CCDC40: variants seen among roughly 807,000 people sequenced by gnomAD.
The protein encoded by CCDC40 is coiled-coil domain-containing protein 40.
In CCDC40, 104 loss-of-function variants were observed where a neutral mutation model predicts 124.5. The observed-to-expected ratio is 0.84, with a 90% CI of 0.71 to 0.98. The LOEUF (loss-of-function observed/expected upper bound fraction) is 0.98. Ranked by LOEUF, CCDC40 falls within the 50% of genes least tolerant of loss-of-function variation. CCDC40 has a pLI of 0.00. For synonymous variants in CCDC40, 580 were observed against 602.9 expected (o/e 0.96, Z 0.56); for missense variants, 1,463 against 1,503.9 (o/e 0.97, Z 0.45).
chr17:80,056,008 A>ATTTTTTTTTTTT (rs1242487948), intron 7 of CCDC40, among the ~76,000 whole-genome samples: 5 of 12,276 alleles, frequency 4.1e-4, no homozygotes, highest in African/African-American at 7.8e-4. Context: ...ATATATATAT[A>ATTTTTTTTTTTT]TATATATATT....
chr17:80,081,645 C>A lies in CCDC40; in HGVS notation c.1662C>A (p.Ile554=), dbSNP rs753942872. 3.7e-6 allele frequency: 6 copies of A among 1,614,080 alleles called. No homozygotes were observed. In the South Asian group the frequency reaches 6.6e-5, roughly 18 times the overall value. ...EEEKNEKLAS[I]LNRTETEATL... is the part of the protein sequence containing the mutation. ...AAAAGAACGAGAAGCTGGCGAGCAT[C>A]CTGAACCGGACAGAGACGGAAGCCA... is the stretch of plus-strand genomic sequence containing the variant. Residue 554 remains isoleucine, a synonymous_variant, in exon 11 of 20, where the codon ATC becomes ATA. Transcript: ENST00000397545.
chr17:80,064,814 A>G (rs985039912), intron 9 of CCDC40, among the ~76,000 whole-genome samples: 4 of 146,448 alleles, frequency 2.7e-5, no homozygotes, highest in African/African-American at 7.6e-5. Flanking sequence ...CCTCATTCCC[A>G]GTCTAGGCAG....
At chr17:80,057,052 A>AAG (rs61289103) in intron 7 of CCDC40, among the ~76,000 whole-genome samples, 1 of 148,176 alleles carries the variant, frequency 6.7e-6, no homozygotes, top group Non-Finnish European at 1.5e-5. Flanking sequence ...AAAAAAAAAA[A>AAG]GAAGAATAGC....
chr17:80,066,021 G>A lies in CCDC40; in HGVS notation c.1562+415G>A. ...CCTATTTTAATCTCCAAAGGAAGGG[G>A]AGGAAGAGGCCTCCTCTGGGCATCC... is the stretch of plus-strand genomic sequence containing the variant. On this transcript the variant is annotated intron_variant, in intron 10 of 19. Coordinates refer to ENST00000397545, the MANE Select transcript of CCDC40 (RefSeq NM_017950.4). This position sits in a 1 kb window ranked among gnomAD's most constrained non-coding sequence, Gnocchi z 4.4. 1.5e-6 allele frequency: 1 copy of A among 685,790 alleles called. No homozygotes were observed. The highest frequency in any genetic ancestry group is 2.7e-5 in the East Asian group (1 of 37,022). The allele number at this position is 685,790 out of a possible 1,614,324, so 42.5% of individuals were successfully genotyped here.
At position 80,058,757 on chromosome 17, in the gene CCDC40, G is replaced by A. The variant is rs1331691905; in HGVS notation, c.1318-101G>A. On this transcript the variant is annotated intron_variant, in intron 8 of 19. Coordinates refer to ENST00000397545, the MANE Select transcript of CCDC40 (RefSeq NM_017950.4). The surrounding 1 kb of genome is among the most constrained non-coding windows in gnomAD (Gnocchi z 4.2). ...GAAGGCTTCCGGCCGGAGGGGTGGCGGCCGGCCTGGGTGGCGTCAACTTGT... is the reference window on the plus strand; with the variant it reads ...GAAGGCTTCCGGCCGGAGGGGTGGCAGCCGGCCTGGGTGGCGTCAACTTGT... The A allele has an allele frequency of 1.0e-5, 16 of 1,605,366 alleles. No homozygotes were observed. The highest frequency in any genetic ancestry group is 8.3e-5 in the Admixed American group (5 of 59,962).
chr17:80,097,532 C>T, intron 19 of CCDC40, 129 bp downstream of exon 19: 1 of 835,276 alleles, frequency 1.2e-6, no homozygotes. Context: ...TGATCCCAGG[C>T]CAGTAATAGC....
At chr17:80,052,198 G>C (rs1335876136) in intron 7 of CCDC40, among the ~76,000 whole-genome samples, 2 of 152,238 alleles carry the variant, frequency 1.3e-5, no homozygotes, top group African/African-American at 2.4e-5. Context: ...ATAGAGAAAG[G>C]AGAGTTTATT....
intron 3 of CCDC40, among the ~76,000 whole-genome samples, chr17:80,040,923 A>G (rs549310913): frequency 1.4e-4 from 21 of 152,262 alleles, no homozygotes; most frequent in Admixed American, 5.9e-4. Context: ...AGCTGGAGGA[A>G]TGGAGCTTTT....
In CCDC40 at chr17:80,095,315, A is replaced by G; in HGVS notation, c.2885A>G (p.Glu962Gly). 1.2e-6 allele frequency: 2 copies of G among 1,614,072 alleles called. No homozygotes were observed. Among genetic ancestry groups the G allele is most frequent in the Non-Finnish European group, 1.7e-6 (2 of 1,180,036 alleles). Residue 962 changes from glutamate to glycine, a missense_variant, in exon 18 of 20, where the codon GAG (glutamate) becomes GGG (glycine). Transcript: ENST00000397545. ...CAGGAGAAGATGATCCGTGCCATGG[A>G]GTTGGCGGTTGCCCGCAGAGAGACC... ...KQQEKMIRAM[E>G]LAVARRETVT...
intron 16 of CCDC40, chr17:80,088,503 C>A (rs2038637377): frequency 3.2e-6 from 1 of 312,080 alleles, no homozygotes; most frequent in Non-Finnish European, 6.3e-6. Context: ...CTGCCCACCT[C>A]AGCCTCCCAA....
rs2038785698 is a variant in CCDC40, at chr17:80,095,199, C to T, written c.2833-64C>T. ...AGGATGAGCGAGGCCAGCGCCCCGG[C>T]CACTCTCTCTGCAGCTGCAGCTCAG... On this transcript the variant is annotated intron_variant, in intron 17 of 19. Transcript: ENST00000397545. 3 of 1,516,192 alleles carry T rather than the reference C, an allele frequency of 2.0e-6. 1 individual carries two copies. In the East Asian group the frequency reaches 6.8e-5, roughly 34 times the overall value. The allele number at this position is 1,516,192 out of a possible 1,614,324, so 93.9% of individuals were successfully genotyped here.
At chr17:80,045,883 C>T (rs1165886843) in intron 3 of CCDC40, among the ~76,000 whole-genome samples, 2 of 151,824 alleles carry the variant, frequency 1.3e-5, no homozygotes, top group Non-Finnish European at 2.9e-5. Flanking sequence ...CTGCCAGCAA[C>T]TGCCTGTCGA....
Position 80,079,705 on chromosome 17 carries a change from T to A in CCDC40, c.1563-1841T>A, listed in dbSNP as rs535380151. ...GGGAAGCTGAGGCAGGTGGATCACT[T>A]GAGGTCAGGAGTTCGAGACCAGCCT... On this transcript the variant is annotated intron_variant, in intron 10 of 19. Coordinates refer to ENST00000397545, the MANE Select transcript of CCDC40 (RefSeq NM_017950.4). Among the ~76,000 whole-genome samples the A allele has an allele frequency of 2.0e-5, 3 of 150,872 alleles. No individual in the cohort carries two copies. In the South Asian group the frequency reaches 6.3e-4, roughly 32 times the overall value.
intron 3 of CCDC40, among the ~76,000 whole-genome samples, chr17:80,041,986 T>G (rs982418444): frequency 6.6e-6 from 1 of 152,140 alleles, no homozygotes; most frequent in Admixed American, 6.5e-5. Context: ...CTTTTTTGGT[T>G]TAAGATAGGA....
chr17:80,064,086 G>A (rs9894725), intron 9 of CCDC40, among the ~76,000 whole-genome samples: 9,538 of 152,088 alleles, frequency 0.063, 915 homozygotes, highest in African/African-American at 0.21. Context: ...GTAAGCGTCT[G>A]TGAGAGGAAA....
chr17:80,036,874 A>AC (rs1017011849), intron 1 of CCDC40, 183 bp downstream of exon 1: 75 of 449,972 alleles, frequency 1.7e-4, no homozygotes, highest in African/African-American at 7.4e-4. Flanking sequence ...TCAGCCCCTC[A>AC]CCCCCCCGCC....
intron 7 of CCDC40, among the ~76,000 whole-genome samples, chr17:80,053,094 C>G (rs754019575): frequency 7.2e-5 from 11 of 152,058 alleles, no homozygotes; most frequent in Non-Finnish European, 1.3e-4. Context: ...AATCAGTGTC[C>G]GAAAGGGAGA....
chr17:80,074,243 G>T (rs1462077182), intron 10 of CCDC40, among the ~76,000 whole-genome samples: 2 of 152,176 alleles, frequency 1.3e-5, no homozygotes, highest in Non-Finnish European at 2.9e-5. Context: ...GGGCGCGGTG[G>T]CTCACGCCTG....
At chr17:80,096,949 G>A (rs76333726) in intron 18 of CCDC40, among the ~76,000 whole-genome samples, 12 of 152,256 alleles carry the variant, frequency 7.9e-5, no homozygotes, top group Admixed American at 2.6e-4. Flanking sequence ...CTTGGCACAC[G>A]GCTGCTGAAC....
Sources: allele counts gnomAD v4.1 joint callset (sites outside exome capture counted in the v4.1 genomes callset), GRCh38; gene constraint gnomAD v4.1.1; non-coding constraint Gnocchi (gnomAD v3.1); transcripts MANE v1.5; gene names NCBI Gene and HGNC (gene_info 2026-07-23, HGNC 2026-07-21).